The following SLC47A2 variants were observed in gnomAD, a reference collection of about 807,000 sequenced individuals.
The protein encoded by SLC47A2 is solute carrier family 47 member 2.
Under a neutral mutation model 67.7 loss-of-function variants are expected in SLC47A2, and 52 were observed. The observed-to-expected ratio is 0.77, with a 90% confidence interval of 0.61 to 0.97. The LOEUF (loss-of-function observed/expected upper bound fraction) is 0.97, where lower values mean the gene tolerates loss of function less well. SLC47A2 is among the 50% of genes least tolerant of loss of function. The pLI, the probability that SLC47A2 is intolerant of heterozygous loss-of-function variation, is 0.00. For missense variants in SLC47A2, 676 were observed against 712.3 expected, an observed-to-expected ratio of 0.95 and a Z score of 0.58; for synonymous variants, 278 against 292.9, an observed-to-expected ratio of 0.95 and a Z score of 0.52.
chr17:19,683,573 A>G (rs1310153626), intron 13 of SLC47A2, among the ~76,000 whole-genome samples: 2 of 152,344 alleles, frequency 1.3e-5, no homozygotes, highest in South Asian at 2.1e-4. Context: ...ACATATCCCA[A>G]GCTGACCAGA....
rs780126412 is a variant in SLC47A2, at chr17:19,706,766, A to G, written c.728-5T>C. ...GCAGGCACTGGCTGGACCAACCTGG[A>G]AACAGAGGCCCCATGAGCTGACAGC... is the stretch of plus-strand genomic sequence containing the variant. On this transcript the variant is annotated splice_region_variant and splice_polypyrimidine_tract_variant and intron_variant, in intron 8 of 16. Coordinates refer to ENST00000433844, the MANE Select transcript of SLC47A2 (RefSeq NM_001099646.3). 6.2e-7 allele frequency: 1 copy of G among 1,600,774 alleles called. No individual in the cohort carries two copies. The highest frequency in any genetic ancestry group is 8.5e-7 in the Non-Finnish European group (1 of 1,175,786).
intron 4 of SLC47A2, among the ~76,000 whole-genome samples, chr17:19,713,022 A>G (rs1360876683): frequency 1.3e-5 from 2 of 152,318 alleles, no homozygotes; most frequent in South Asian, 2.1e-4. Flanking sequence ...AAAAAGGAAT[A>G]ACCAAATGAA....
intron 11 of SLC47A2, 55 bp downstream of exon 11, chr17:19,704,015 A>G: frequency 7.2e-7 from 1 of 1,393,914 alleles, no homozygotes; most frequent in Non-Finnish European, 9.8e-7. Context: ...CCTGTGGCCC[A>G]GGCTGGTGAC....
At chr17:19,703,699 C>T (rs8079509) in intron 11 of SLC47A2, among the ~76,000 whole-genome samples, 2,477 of 152,260 alleles carry the variant, frequency 0.016, 59 homozygotes, top group African/African-American at 0.057. Context: ...GAGGGCCAGG[C>T]CTGCAGAAGG....
chr17:19,682,875 T>C (rs2085346725), intron 13 of SLC47A2, among the ~76,000 whole-genome samples: 1 of 152,218 alleles, frequency 6.6e-6, no homozygotes, highest in Admixed American at 6.5e-5. Context: ...TACTGTTTAT[T>C]TCATTAGTCT....
Position 19,703,121 on chromosome 17 carries a change from A to G in SLC47A2, c.1065T>C (p.Asn355=), listed in dbSNP as rs369658445. 1.1e-5 allele frequency: 17 copies of G among 1,614,008 alleles called. No individual in the cohort carries two copies. In the African/African-American group the frequency reaches 1.9e-4, roughly 18 times the overall value. ...CATTGGTAAAAATATGCCCCAGCTG[A>G]TTTTTCAGGATGCTTATCAGGGTGC... ...VLGTLISILK[N]QLGHIFTNDE... The change falls in exon 12 of 17, where the codon AAT becomes AAC. Residue 355 remains asparagine, a synonymous_variant. Transcript: ENST00000433844.
intron 7 of SLC47A2, 53 bp from the exon 8 acceptor site, chr17:19,707,896 C>T (rs959104788): frequency 6.6e-7 from 1 of 1,506,888 alleles, no homozygotes; most frequent in Admixed American, 2.0e-5. Flanking sequence ...TCTGCCACCG[C>T]CCTGCCTGAG....
rs2085980961 is a variant in SLC47A2, at chr17:19,707,748, G to T, written c.725C>A (p.Ala242Glu). ...VLKKLHLETW[A>E]GWSSQCLQDW... Reference sequence around the variant, plus strand: ...CCAGAGCAGGCCAGGCCTCCCACCTGCCCACGTCTCCAGGTGCAGCTTCTT... The same window carrying T: ...CCAGAGCAGGCCAGGCCTCCCACCTTCCCACGTCTCCAGGTGCAGCTTCTT... The change falls in exon 8 of 17, where the codon GCA (alanine) becomes GAA (glutamate). Residue 242 changes from alanine to glutamate, a missense_variant and splice_region_variant. By Grantham distance (107) the Ala-to-Glu change is moderately radical (BLOSUM62 -1). Coordinates refer to ENST00000433844, the MANE Select transcript of SLC47A2 (RefSeq NM_001099646.3). 1 of 1,585,734 alleles carries T rather than the reference G, an allele frequency of 6.3e-7. No homozygotes were observed. The highest frequency in any genetic ancestry group is 2.3e-5 in the East Asian group (1 of 42,752).
At chr17:19,689,425 G>A (rs778978674) in intron 13 of SLC47A2, among the ~76,000 whole-genome samples, 10 of 152,100 alleles carry the variant, frequency 6.6e-5, no homozygotes, top group Non-Finnish European at 1.5e-4. Flanking sequence ...GGCCAGGCAC[G>A]CTGGCTTATG....
Position 19,704,050 on chromosome 17 carries a change from C to A in SLC47A2, c.1018+20G>T. On this transcript the variant is annotated intron_variant, in intron 11 of 16. Coordinates refer to ENST00000433844, the MANE Select transcript of SLC47A2 (RefSeq NM_001099646.3). The stretch of plus-strand genomic sequence containing the variant: ...CTCAGGCCAACGTTTGAAGGCCCAC[C>A]AGGAGAGGACTCCACCTACCTATGC... 6.3e-7 allele frequency: 1 copy of A among 1,581,596 alleles called. No homozygotes were observed.
intron 8 of SLC47A2, among the ~76,000 whole-genome samples, chr17:19,707,505 A>G (rs1010188537): frequency 3.9e-5 from 6 of 152,130 alleles, no homozygotes; most frequent in Non-Finnish European, 7.4e-5. Context: ...TGGGCAAGAA[A>G]GCTCCCTGGG....
intron 13 of SLC47A2, among the ~76,000 whole-genome samples, chr17:19,690,834 C>T (rs907447438): frequency 5.9e-5 from 9 of 151,958 alleles, no homozygotes; most frequent in African/African-American, 1.9e-4. Flanking sequence ...GGGAACCCCC[C>T]TTGGCCGGGC....
At chr17:19,689,619 C>G (rs2085498153) in intron 13 of SLC47A2, among the ~76,000 whole-genome samples, 1 of 151,480 alleles carries the variant, frequency 6.6e-6, no homozygotes, top group Non-Finnish European at 1.5e-5. Context: ...ATCACCTGAG[C>G]TCAGGAGGTC....
At chr17:19,693,758 A>G (rs1414527539) in intron 13 of SLC47A2, among the ~76,000 whole-genome samples, 3 of 152,266 alleles carry the variant, frequency 2.0e-5, no homozygotes, top group Non-Finnish European at 4.4e-5. Context: ...AGATCGCGCC[A>G]TTGCTCTCTA....
intron 3 of SLC47A2, among the ~76,000 whole-genome samples, chr17:19,714,181 C>G (rs1251486418): frequency 6.6e-6 from 1 of 152,208 alleles, no homozygotes; most frequent in Non-Finnish European, 1.5e-5. Flanking sequence ...TTCCAAAGCT[C>G]CAAGGAGGAC....
chr17:19,695,696 A>G (rs1299879503), intron 13 of SLC47A2, among the ~76,000 whole-genome samples: 1 of 151,914 alleles, frequency 6.6e-6, no homozygotes, highest in Non-Finnish European at 1.5e-5. Flanking sequence ...TATGGGTTGA[A>G]TTGTGTCTCC....
rs1410602194 is a variant in SLC47A2 at position 19,685,658 on chromosome 17, C to A, written c.1165-3988G>T. ...AATCTCAAGTACCCAGGGACACAAACAGGGCCGAAGGCCGCAGGGACCTCT... is the reference window on the plus strand; with the variant it reads ...AATCTCAAGTACCCAGGGACACAAAAAGGGCCGAAGGCCGCAGGGACCTCT... On this transcript the variant is annotated intron_variant, in intron 13 of 16. Transcript: ENST00000433844. The surrounding 1 kb of genome is among the most constrained non-coding windows in gnomAD (Gnocchi z 4.5). Among the ~76,000 whole-genome samples the A allele has an allele frequency of 2.0e-5, 3 of 152,220 alleles. No individual in the cohort carries two copies. Among genetic ancestry groups the A allele is most frequent in the African/African-American group, 7.2e-5 (3 of 41,464 alleles).
chr17:19,708,889 G>A (rs151207687), intron 5 of SLC47A2, 129 bp from the exon 6 acceptor site: 1 of 1,191,692 alleles, frequency 8.4e-7, no homozygotes, highest in East Asian at 2.4e-5. Flanking sequence ...AGTATGTCTG[G>A]GACCTCTCAG....
chr17:19,692,482 A>AGAATAGG, intron 13 of SLC47A2, among the ~76,000 whole-genome samples: 1 of 152,328 alleles, frequency 6.6e-6, no homozygotes, highest in Middle Eastern at 3.4e-3. Flanking sequence ...TACTGAAACT[A>AGAATAGG]ACTTAACAAG....
Sources: gnomAD v4.1 joint callset for allele counts (sites outside exome capture counted in the v4.1 genomes callset) on GRCh38, gnomAD v4.1.1 for gene constraint, Gnocchi (gnomAD v3.1) non-coding constraint, MANE v1.5 for transcripts, NCBI Gene and HGNC (gene_info 2026-07-23, HGNC 2026-07-21) for gene names.